Variants in RTN4RL1 observed in about 807,000 individuals in gnomAD.
RTN4RL1 encodes reticulon 4 receptor like 1.
RTN4RL1 carries 7 observed loss-of-function variants against 25.6 expected under a neutral mutation model. The observed-to-expected ratio is 0.27, with a 90% CI of 0.16 to 0.51. RTN4RL1 has a LOEUF of 0.51. RTN4RL1 is among the 20% of genes least tolerant of loss of function. The probability of loss-of-function intolerance (pLI) is 0.97; values close to 1 mark genes in which losing one functional copy is unlikely to be tolerated. For synonymous variants in RTN4RL1, 297 were observed against 288.2 expected (o/e 1.03, Z -0.31); for missense variants, 500 against 615.6 (o/e 0.81, Z 1.99).
chr17:1,946,332 T>C (rs1344231609), intron 1 of RTN4RL1, among the ~76,000 whole-genome samples: 1 of 152,218 alleles, frequency 6.6e-6, no homozygotes, highest in East Asian at 1.9e-4. Flanking sequence ...ACAAGGCACG[T>C]GTCTTCTCAA....
chr17:1,970,033 T>C (rs7208885), intron 1 of RTN4RL1, among the ~76,000 whole-genome samples: 56,539 of 147,902 alleles, frequency 0.38, 11,191 homozygotes, highest in Admixed American at 0.53. Context: ...TTTTTTTTTT[T>C]TTTTTTGAGA....
At chr17:1,959,795 C>T (rs146001694) in intron 1 of RTN4RL1, among the ~76,000 whole-genome samples, 1,723 of 152,238 alleles carry the variant, frequency 0.011, 15 homozygotes, top group Non-Finnish European at 0.019. Flanking sequence ...GAACTCCTGA[C>T]CTCGTGATCC....
chr17:2,011,383 T>C (rs888743832), intron 1 of RTN4RL1, among the ~76,000 whole-genome samples: 1 of 152,254 alleles, frequency 6.6e-6, no homozygotes, highest in Admixed American at 6.5e-5. Flanking sequence ...GATCATGGTC[T>C]GTAACACGGT....
chr17:1,969,226 T>A (rs574950755), intron 1 of RTN4RL1, among the ~76,000 whole-genome samples: 31 of 152,102 alleles, frequency 2.0e-4, no homozygotes, highest in Admixed American at 1.8e-3. Flanking sequence ...ATCCAGCTAA[T>A]TTTTTTATTT....
intron 1 of RTN4RL1, among the ~76,000 whole-genome samples, chr17:2,010,245 C>T (rs1414796809): frequency 9.9e-5 from 7 of 70,488 alleles, no homozygotes; most frequent in South Asian, 5.7e-4. Flanking sequence ...TCACTTGAGG[C>T]CAGGAGTTCA....
chr17:1,966,921 C>T (rs2066793905), intron 1 of RTN4RL1, among the ~76,000 whole-genome samples: 1 of 152,214 alleles, frequency 6.6e-6, no homozygotes, highest in African/African-American at 2.4e-5. Context: ...CCCTACCTCA[C>T]CTCCAGGCCT....
chr17:2,007,576 G>A (rs2067008152), intron 1 of RTN4RL1, among the ~76,000 whole-genome samples: 1 of 152,162 alleles, frequency 6.6e-6, no homozygotes, highest in African/African-American at 2.4e-5. Context: ...TGCTGGCTGT[G>A]GCATGGTCTC....
chr17:1,963,427 T>C (rs967825116), intron 1 of RTN4RL1, among the ~76,000 whole-genome samples: 15 of 152,240 alleles, frequency 9.9e-5, no homozygotes, highest in Non-Finnish European at 2.1e-4. Flanking sequence ...TTAACCTGTC[T>C]GTGGACTGCA....
rs556390197 is a variant in RTN4RL1, at chr17:1,998,984, C to T, written c.13+25869G>A. On this transcript the variant is annotated intron_variant, in intron 1 of 1. Coordinates refer to ENST00000331238, the MANE Select transcript of RTN4RL1 (RefSeq NM_178568.4). This position sits in a 1 kb window ranked among gnomAD's most constrained non-coding sequence, Gnocchi z 4.9. Reference sequence around the variant, plus strand: ...GAAGAGCTGCTCCCCCTTCCCTGCACGATGCCATCCTCTCACACACAGGGC... The same window carrying T: ...GAAGAGCTGCTCCCCCTTCCCTGCATGATGCCATCCTCTCACACACAGGGC... 6.6e-6 allele frequency among the ~76,000 whole-genome samples: 1 copy of T among 152,234 alleles called. No homozygotes were observed. Among genetic ancestry groups the T allele is most frequent in the East Asian group, 1.9e-4 (1 of 5,176 alleles).
intron 1 of RTN4RL1, among the ~76,000 whole-genome samples, chr17:1,983,250 T>G (rs1011924486): frequency 6.6e-6 from 1 of 152,078 alleles, no homozygotes; most frequent in Non-Finnish European, 1.5e-5. Context: ...TTCACCATGT[T>G]GTACAGTCTG....
At chr17:1,983,556 G>A (rs2066876109) in intron 1 of RTN4RL1, among the ~76,000 whole-genome samples, 2 of 152,074 alleles carry the variant, frequency 1.3e-5, no homozygotes, top group Non-Finnish European at 2.9e-5. Flanking sequence ...ACAGCACCAC[G>A]CCTGGCTAAC....
chr17:1,936,637 C>T lies in RTN4RL1; in HGVS notation c.1185G>A (p.Thr395=), dbSNP rs985991610. 9.4e-6 allele frequency: 15 copies of T among 1,595,052 alleles called. No individual in the cohort carries two copies. Among genetic ancestry groups the T allele is most frequent in the African/African-American group, 5.4e-5 (4 of 74,294 alleles). ...ACTTGCCCTTCCTCTTGGGCCGGGC[C>T]GTAGGCATGATGTCAAAACTGAACT... ...QHKFSFDIMP[T]ARPKRKGKCA... Residue 395 remains threonine, a synonymous_variant, in exon 2 of 2, where the codon ACG becomes ACA. Coordinates refer to ENST00000331238, the MANE Select transcript of RTN4RL1 (RefSeq NM_178568.4).
intron 1 of RTN4RL1, among the ~76,000 whole-genome samples, chr17:2,011,794 A>G (rs2151326399): frequency 6.6e-6 from 1 of 152,192 alleles, no homozygotes. Context: ...CCACAATCTC[A>G]AGGCAGCCCC....
intron 1 of RTN4RL1, among the ~76,000 whole-genome samples, chr17:1,939,882 T>C (rs1171087420): frequency 6.6e-6 from 1 of 152,114 alleles, no homozygotes; most frequent in East Asian, 1.9e-4. Context: ...CCAGCTAGCC[T>C]CCAGCCCCTT....
chr17:1,938,311 AT>A (rs528072344), intron 1 of RTN4RL1, among the ~76,000 whole-genome samples: 8 of 150,164 alleles, frequency 5.3e-5, no homozygotes, highest in Middle Eastern at 3.4e-3. Context: ...ATTGAATTTA[AT>A]TTTTTTTTTG....
intron 1 of RTN4RL1, among the ~76,000 whole-genome samples, chr17:1,999,925 AG>A (rs1036670038): frequency 2.0e-5 from 3 of 152,098 alleles, no homozygotes; most frequent in African/African-American, 7.2e-5. Flanking sequence ...GCCTGTCCCC[AG>A]GGGGGCAGGC....
rs535775997 is a variant in RTN4RL1, at chr17:1,966,578, A to T, written c.14-28770T>A. ...TCTCAGCGTGCTCCTAGCCTAGGAG[A>T]GTCCCTGGGCTGGGGAAGGGCAGTC... On this transcript the variant is annotated intron_variant, in intron 1 of 1. Coordinates refer to ENST00000331238, the MANE Select transcript of RTN4RL1 (RefSeq NM_178568.4). Among the ~76,000 whole-genome samples, 5 of 152,132 alleles carry T rather than the reference A, an allele frequency of 3.3e-5. No individual in the cohort carries two copies. The South Asian group carries it at 6.2e-4, about 19-fold the overall frequency.
chr17:1,954,925 T>C (rs1250402977), intron 1 of RTN4RL1, among the ~76,000 whole-genome samples: 1 of 152,180 alleles, frequency 6.6e-6, no homozygotes, highest in Non-Finnish European at 1.5e-5. Context: ...GCTTACAGGA[T>C]AAGTTGACTA....
chr17:1,973,895 C>T (rs1377146196), intron 1 of RTN4RL1, among the ~76,000 whole-genome samples: 1 of 151,884 alleles, frequency 6.6e-6, no homozygotes, highest in East Asian at 1.9e-4. Flanking sequence ...AAAAATTAGC[C>T]GGGTGTGGTA....
Sources: gnomAD v4.1 joint callset for allele counts (sites outside exome capture counted in the v4.1 genomes callset) on GRCh38, gnomAD v4.1.1 for gene constraint, Gnocchi (gnomAD v3.1) non-coding constraint, MANE v1.5 for transcripts, NCBI Gene and HGNC (gene_info 2026-07-23, HGNC 2026-07-21) for gene names.